Variants in NEB observed in about 807,000 individuals in gnomAD.
NEB encodes nebulin, also known as nemaline myopathy type 2.
Under a neutral mutation model 952.2 loss-of-function variants are expected in NEB, and 512 were observed. The ratio of observed to expected loss-of-function variants is 0.54; its 90% confidence interval spans 0.50 to 0.58. The LOEUF (loss-of-function observed/expected upper bound fraction) is 0.58, where lower values mean the gene tolerates loss of function less well. Among genes scored for constraint, NEB ranks in the 20% least tolerant of loss-of-function variants. The pLI is 0.00. For missense variants in NEB, 8,428 were observed against 9,231.1 expected (o/e 0.91, Z 3.56); for synonymous variants, 2,900 against 3,149.8 (o/e 0.92, Z 2.66).
chr2:151,695,590 A>G lies in NEB; in HGVS notation c.1662T>C (p.Tyr554=). 6.2e-7 allele frequency: 1 copy of G among 1,613,218 alleles called. No homozygotes were observed. Among genetic ancestry groups the G allele is most frequent in the Non-Finnish European group, 8.5e-7 (1 of 1,179,214 alleles). The change falls in exon 18 of 182, where the codon TAT becomes TAC. Residue 554 remains tyrosine, a synonymous_variant. Coordinates refer to ENST00000397345, the MANE Select transcript of NEB (RefSeq NM_001164508.2). ...ATAAGGAACTTACATCACTCAAGTTATAGGCATTGACTTTGTGCTGGATAA... is the reference window on the plus strand; with the variant it reads ...ATAAGGAACTTACATCACTCAAGTTGTAGGCATTGACTTTGTGCTGGATAA... ...PAFIQHKVNA[Y]NLSDNLYKQD... is the part of the protein sequence containing the mutation.
At chr2:151,670,073 T>C (rs891293854) in intron 38 of NEB, among the ~76,000 whole-genome samples, 1 of 152,182 alleles carries the variant, frequency 6.6e-6, no homozygotes, top group African/African-American at 2.4e-5. Context: ...GAAGACTTTA[T>C]ATAGTGAGTG....
rs1245872749 is a variant in NEB, at chr2:151,547,755, A to G, written c.20158-17T>C. 1 of 1,589,520 alleles carries G rather than the reference A, an allele frequency of 6.3e-7. No individual in the cohort carries two copies. The highest frequency in any genetic ancestry group is 1.1e-5 in the South Asian group (1 of 89,592). ...ATACAGTCTCTACGTTGGAGGAAAT[A>G]TCATTACAGGCATTTAGTAGGGGAC... On this transcript the variant is annotated splice_polypyrimidine_tract_variant and intron_variant, in intron 131 of 181. Transcript: ENST00000397345.
Position 151,518,947 on chromosome 2 carries a change from G to A in NEB, c.22695+18C>T, listed in dbSNP as rs1376679133. 1 of 1,564,888 alleles carries A rather than the reference G, an allele frequency of 6.4e-7. No individual in the cohort carries two copies. Among genetic ancestry groups the A allele is most frequent in the Non-Finnish European group, 8.8e-7 (1 of 1,135,764 alleles). ...ATGGGTAAAACAAGCTGTTTCTGGA[G>A]CAAATGACTGAGCTTACAGAACTGG... On this transcript the variant is annotated intron_variant, in intron 155 of 181. Transcript: ENST00000397345.
At position 151,639,927 on chromosome 2, in the gene NEB, A is replaced by C. The variant is rs2154103159; in HGVS notation, c.8819T>G (p.Phe2940Cys). ...AGAGTCAGTCACACTGGTAAATTTGAATCTGTCTGGAGGCTGGCGATAGAT... is the reference window on the plus strand; with the variant it reads ...AGAGTCAGTCACACTGGTAAATTTGCATCTGTCTGGAGGCTGGCGATAGAT... ...DKIYRQPPDRFKFTSVTDSLE... is the reference protein window; with the variant it reads ...DKIYRQPPDRCKFTSVTDSLE... The change falls in exon 62 of 182, where the codon TTC (phenylalanine) becomes TGC (cysteine). Residue 2940 changes from phenylalanine to cysteine, a missense_variant. This residue lies in a region of NEB where 1,772 missense variants were observed against 1,960.3 expected (regional missense o/e 0.90). Transcript: ENST00000397345. The C allele has an allele frequency of 6.2e-7, 1 of 1,613,972 alleles. No homozygotes were observed. The highest frequency in any genetic ancestry group is 2.2e-5 in the East Asian group (1 of 44,882).
intron 167 of NEB, among the ~76,000 whole-genome samples, 176 bp downstream of exon 167, chr2:151,502,617 A>ACAC (rs2065602334): frequency 6.6e-6 from 1 of 152,164 alleles, no homozygotes; most frequent in African/African-American, 2.4e-5. Context: ...TTTAGAGAAA[A>ACAC]CACAGTTAAA....
intron 9 of NEB, among the ~76,000 whole-genome samples, chr2:151,721,368 T>C (rs1352832903): frequency 6.6e-6 from 1 of 152,188 alleles, no homozygotes; most frequent in African/African-American, 2.4e-5. Context: ...TTCTCACAAG[T>C]GCCCTCCAAA....
chr2:151,693,416 C>T (rs984096416), intron 20 of NEB, among the ~76,000 whole-genome samples: 4 of 151,860 alleles, frequency 2.6e-5, no homozygotes, highest in Admixed American at 2.0e-4. Flanking sequence ...GATGTTCTCC[C>T]GCCTCCCCCA....
At chr2:151,558,465 T>C (rs188734420) in intron 124 of NEB, among the ~76,000 whole-genome samples, 15 of 152,186 alleles carry the variant, frequency 9.9e-5, no homozygotes, top group Admixed American at 2.6e-4. Context: ...GATTCAATGC[T>C]ATCCCCATCA....
intron 107 of NEB, among the ~76,000 whole-genome samples, 184 bp from the exon 108 acceptor site, chr2:151,570,785 A>G (rs2096599319): frequency 6.6e-6 from 1 of 152,296 alleles, no homozygotes; most frequent in South Asian, 2.1e-4. Context: ...TGGTGTCTGG[A>G]GTCCAAAGGT....
chr2:151,640,394 G>A lies in NEB; in HGVS notation c.8646C>T (p.Asp2882=), dbSNP rs61730773. Reference sequence around the variant, plus strand: ...CATAGGCCTGCCGAGCATGGATGACGTCGCTCTGGTCGGGCAGGCATGTCC... The same window carrying A: ...CATAGGCCTGCCGAGCATGGATGACATCGCTCTGGTCGGGCAGGCATGTCC... ...HQWTCLPDQS[D]VIHARQAYDL... is the part of the protein sequence containing the mutation. The change falls in exon 61 of 182, where the codon GAC becomes GAT. Residue 2882 remains aspartate, a synonymous_variant. Coordinates refer to ENST00000397345, the MANE Select transcript of NEB (RefSeq NM_001164508.2). 3,101 of 1,613,930 alleles carry A rather than the reference G, an allele frequency of 1.9e-3. 50 individuals are homozygous for A. The African/African-American group carries it at 0.036, about 19-fold the overall frequency.
At chr2:151,530,392 C>G (rs181081859) in intron 145 of NEB, among the ~76,000 whole-genome samples, 34 of 152,152 alleles carry the variant, frequency 2.2e-4, no homozygotes, top group Admixed American at 5.9e-4. Flanking sequence ...TCGAGGGCCT[C>G]GATCTGGGCT....
intron 123 of NEB, 150 bp from the exon 124 acceptor site, chr2:151,560,849 C>G: frequency 2.6e-6 from 2 of 773,640 alleles, no homozygotes; most frequent in Non-Finnish European, 4.1e-6. Context: ...TTAATTGTAC[C>G]TACTAGAATT....
Position 151,538,256 on chromosome 2 carries a change from A to G in NEB, c.20893-12T>C. 1 of 1,573,668 alleles carries G rather than the reference A, an allele frequency of 6.4e-7. No homozygotes were observed. Among genetic ancestry groups the G allele is most frequent in the Non-Finnish European group, 8.7e-7 (1 of 1,144,034 alleles). ...TCTTTGTAGCGTAGCTAGAAAGAGA[A>G]AAAACACATGAATTACAAAAAAACT... is the stretch of plus-strand genomic sequence containing the variant. On this transcript the variant is annotated splice_polypyrimidine_tract_variant and intron_variant, in intron 138 of 181. Coordinates refer to ENST00000397345, the MANE Select transcript of NEB (RefSeq NM_001164508.2).
At chr2:151,613,570 A>G (rs1230035183) in intron 77 of NEB, among the ~76,000 whole-genome samples, 1 of 152,136 alleles carries the variant, frequency 6.6e-6, no homozygotes, top group Non-Finnish European at 1.5e-5. Context: ...AGAAATCTCA[A>G]ATCTTTTTAT....
chr2:151,561,137 C>T (rs369024842), intron 122 of NEB, 29 bp from the exon 123 acceptor site: 1 of 1,564,726 alleles, frequency 6.4e-7, no homozygotes, highest in African/African-American at 1.4e-5. Flanking sequence ...AGGTTATTCA[C>T]CTCTGTTGTT....
rs757901813 is a variant in NEB at position 151,562,715 on chromosome 2, T to C, written c.18787A>G (p.Ile6263Val). Reference sequence around the variant, plus strand: ...TGTCGATACTCCAGGTCACTGAGGATGTACTGGCACCTTTTAGCCAGCACG... The same window carrying C: ...TGTCGATACTCCAGGTCACTGAGGACGTACTGGCACCTTTTAGCCAGCACG... ...NHVLAKRCQY[I>V]LSDLEYRHYF... The change falls in exon 120 of 182, where the codon ATC (isoleucine) becomes GTC (valine). Residue 6263 changes from isoleucine (I) to valine (V), a missense_variant. Around this residue, in one of 11 missense-constraint regions of NEB, gnomAD observed 3,374 missense variants for 3,651.5 expected, o/e 0.92. Coordinates refer to ENST00000397345, the MANE Select transcript of NEB (RefSeq NM_001164508.2). The C allele has an allele frequency of 1.2e-6, 2 of 1,607,318 alleles. No homozygotes were observed. The highest frequency in any genetic ancestry group is 2.2e-5 in the South Asian group (2 of 89,594).
At chr2:151,561,942 A>G (rs570812712) in intron 121 of NEB, among the ~76,000 whole-genome samples, 168 bp downstream of exon 121, 16 of 152,292 alleles carry the variant, frequency 1.1e-4, no homozygotes, top group South Asian at 1.0e-3. Context: ...GGGAAGATCC[A>G]GCCCCAGAGC....
chr2:151,712,029 T>A (rs2099746826), intron 10 of NEB, among the ~76,000 whole-genome samples: 1 of 152,208 alleles, frequency 6.6e-6, no homozygotes, highest in South Asian at 2.1e-4. Flanking sequence ...ATGTTTCTCA[T>A]CTTTTTTTTG....
chr2:151,503,472 G>C, intron 165 of NEB, 31 bp from the exon 166 acceptor site: 1 of 1,465,002 alleles, frequency 6.8e-7, no homozygotes. Flanking sequence ...ACCCAGAAAG[G>C]TAAAATGACC....
Sources: gnomAD v4.1 joint callset for allele counts (sites outside exome capture counted in the v4.1 genomes callset) on GRCh38, gnomAD v4.1.1 for gene constraint, gnomAD v4.1.1 regional missense constraint, MANE v1.5 for transcripts, NCBI Gene and HGNC (gene_info 2026-07-23, HGNC 2026-07-21) for gene names.